Variants in PRKG1 observed in about 807,000 individuals in gnomAD.
PRKG1 encodes cGMP-dependent protein kinase 1.
In PRKG1, 35 loss-of-function variants were observed where a neutral mutation model predicts 88.1. That is an observed-to-expected ratio of 0.40 (90% CI 0.30 to 0.53). PRKG1 has a LOEUF of 0.53. Ranked by LOEUF, PRKG1 falls within the 20% of genes least tolerant of loss-of-function variation. PRKG1 has a pLI of 0.59. For synonymous variants in PRKG1, 303 were observed against 292.5 expected (o/e 1.04, Z -0.37); for missense variants, 540 against 839.8 (o/e 0.64, Z 4.41).
chr10:51,570,993 A>T (rs968003678), intron 3 of PRKG1, among the ~76,000 whole-genome samples: 1 of 151,930 alleles, frequency 6.6e-6, no homozygotes, highest in African/African-American at 2.4e-5. Context: ...AATTTAGGTT[A>T]TACCACTAAC....
At chr10:51,360,258 G>A (rs1842451640) in intron 2 of PRKG1, among the ~76,000 whole-genome samples, 1 of 151,890 alleles carries the variant, frequency 6.6e-6, no homozygotes. Flanking sequence ...GGCCTGGGAA[G>A]CAGAAATCTG....
At chr10:51,564,182 C>G (rs1208978445) in intron 3 of PRKG1, among the ~76,000 whole-genome samples, 1 of 151,588 alleles carries the variant, frequency 6.6e-6, no homozygotes, top group Non-Finnish European at 1.5e-5. Flanking sequence ...TTTTTATGTA[C>G]TAAGGAGACA....
chr10:52,218,107 G>C (rs11001232), intron 9 of PRKG1, among the ~76,000 whole-genome samples: 9,850 of 151,294 alleles, frequency 0.065, 551 homozygotes, highest in South Asian at 0.27. Context: ...AGCTACTCAG[G>C]AGGCTGAGGC....
chr10:51,014,743 A>G lies in PRKG1; in HGVS notation c.266+23099A>G, dbSNP rs73316809. The stretch of plus-strand genomic sequence containing the variant: ...GTACAATTACATGTTTGTTTTACAT[A>G]TTTACATATTTATGTGTCAATTAAA... On this transcript the variant is annotated intron_variant, in intron 1 of 17. Transcript: ENST00000401604. Among the ~76,000 whole-genome samples the G allele has an allele frequency of 2.7e-3, 409 of 152,258 alleles. 3 individuals are homozygous for G. The highest frequency in any genetic ancestry group is 9.3e-3 in the African/African-American group (388 of 41,536).
chr10:51,884,025 CAAAA>C (rs11346256), intron 4 of PRKG1, among the ~76,000 whole-genome samples: 70 of 106,120 alleles, frequency 6.6e-4, no homozygotes, highest in African/African-American at 2.3e-3. Flanking sequence ...TTTTATTTTT[CAAAA>C]AAAAAAAAAA....
intron 2 of PRKG1, among the ~76,000 whole-genome samples, chr10:51,232,752 C>T (rs971436742): frequency 3.9e-5 from 6 of 152,072 alleles, no homozygotes; most frequent in Non-Finnish European, 7.4e-5. Context: ...TCTTGTCCTC[C>T]CCTGTGCTAG....
chr10:51,407,028 A>G (rs1308706490), intron 2 of PRKG1, among the ~76,000 whole-genome samples: 2 of 152,152 alleles, frequency 1.3e-5, no homozygotes, highest in Admixed American at 1.3e-4. Context: ...AGGCCAGTCT[A>G]GTCTTTTCAT....
intron 2 of PRKG1, among the ~76,000 whole-genome samples, chr10:51,315,311 A>T (rs1353518983): frequency 1.3e-5 from 2 of 152,210 alleles, no homozygotes; most frequent in Non-Finnish European, 2.9e-5. Flanking sequence ...GTAATTGCTC[A>T]TGTGAGAGGT....
intron 3 of PRKG1, among the ~76,000 whole-genome samples, chr10:51,537,362 C>T (rs1045377627): frequency 2.0e-5 from 3 of 152,158 alleles, no homozygotes; most frequent in Non-Finnish European, 4.4e-5. Flanking sequence ...ACCTATCATA[C>T]TGCCTCTGTT....
rs1377937665 is a variant in PRKG1, at chr10:51,818,938, C to T, written c.698+14248C>T. On this transcript the variant is annotated intron_variant, in intron 4 of 17. Coordinates refer to ENST00000373980, the MANE Select transcript of PRKG1 (RefSeq NM_006258.4). Reference sequence around the variant, plus strand: ...AGGAGAATGGCGTGAACCCGGGAGGCGGAGCTTGCAGTGAGCCGAGATCCC... The same window carrying T: ...AGGAGAATGGCGTGAACCCGGGAGGTGGAGCTTGCAGTGAGCCGAGATCCC... 1.4e-4 allele frequency among the ~76,000 whole-genome samples: 12 copies of T among 86,852 alleles called. 1 individual carries two copies. The highest frequency in any genetic ancestry group is 4.5e-4 in the African/African-American group (5 of 11,126). The allele number at this position is 86,852 out of a possible 152,430, so 57.0% of individuals were successfully genotyped here.
intron 1 of PRKG1, among the ~76,000 whole-genome samples, chr10:51,140,306 T>C (rs1845790467): frequency 6.6e-6 from 1 of 152,224 alleles, no homozygotes; most frequent in Admixed American, 6.5e-5. Flanking sequence ...AAATTTTAGC[T>C]GAGAACACAG....
At chr10:51,036,695 C>T (rs149643011) in intron 1 of PRKG1, among the ~76,000 whole-genome samples, 94 of 152,162 alleles carry the variant, frequency 6.2e-4, no homozygotes, top group African/African-American at 1.8e-3. Context: ...TAAATGGGGG[C>T]GTGTTTGCTC....
At chr10:51,632,564 G>A (rs1275834598) in intron 3 of PRKG1, among the ~76,000 whole-genome samples, 4 of 152,064 alleles carry the variant, frequency 2.6e-5, no homozygotes, top group African/African-American at 9.7e-5. Context: ...GCTTATTTGG[G>A]GCAGCTAGGT....
intron 9 of PRKG1, among the ~76,000 whole-genome samples, chr10:52,176,127 G>A (rs1436014092): frequency 6.8e-6 from 1 of 147,180 alleles, no homozygotes; most frequent in African/African-American, 2.5e-5. Context: ...GCAGTTTGGG[G>A]TCTTACATTT....
chr10:51,436,657 T>G (rs1393118717), intron 2 of PRKG1, among the ~76,000 whole-genome samples: 1 of 152,060 alleles, frequency 6.6e-6, no homozygotes, highest in Non-Finnish European at 1.5e-5. Context: ...GTAATATCGC[T>G]GTCACATTCT....
At position 51,163,678 on chromosome 10, in the gene PRKG1, G is replaced by A. The variant is rs576323357; in HGVS notation, c.478+10348G>A. 5.9e-5 allele frequency among the ~76,000 whole-genome samples: 9 copies of A among 152,280 alleles called. No homozygotes were observed. The South Asian group carries it at 1.9e-3, about 32-fold the overall frequency. On this transcript the variant is annotated intron_variant, in intron 2 of 17. Transcript: ENST00000373980. Reference sequence around the variant, plus strand: ...GTGACAGACGGCACCTGGAAAATCGGGTCACTCCCACCCTAATACTGCGCT... The same window carrying A: ...GTGACAGACGGCACCTGGAAAATCGAGTCACTCCCACCCTAATACTGCGCT...
At chr10:52,125,137 T>C (rs1456620452) in intron 7 of PRKG1, among the ~76,000 whole-genome samples, 1 of 152,212 alleles carries the variant, frequency 6.6e-6, no homozygotes, top group African/African-American at 2.4e-5. Flanking sequence ...TATCAAGTAC[T>C]ATGCAAGGTA....
intron 1 of PRKG1, among the ~76,000 whole-genome samples, chr10:51,116,015 T>C (rs1294848265): frequency 6.6e-6 from 1 of 152,090 alleles, no homozygotes; most frequent in Admixed American, 6.6e-5. Flanking sequence ...AGAGCTTCAC[T>C]GTAGGGAGGC....
chr10:51,564,212 GCAAAA>G (rs144706488), intron 3 of PRKG1, among the ~76,000 whole-genome samples: 21,407 of 149,160 alleles, frequency 0.14, 1,602 homozygotes, highest in African/African-American at 0.2. Context: ...AAATAAACAG[GCAAAA>G]CAAAACAAAA....
Sources: allele counts gnomAD v4.1 joint callset (sites outside exome capture counted in the v4.1 genomes callset), GRCh38; gene constraint gnomAD v4.1.1; transcripts MANE v1.5; gene names NCBI Gene and HGNC (gene_info 2026-07-23, HGNC 2026-07-21).